DLGAP2: variants seen among roughly 807,000 people sequenced by gnomAD.
DLGAP2 encodes disks large-associated protein 2.
DLGAP2 carries 26 observed loss-of-function variants against 100.3 expected under a neutral mutation model. The ratio of observed to expected loss-of-function variants is 0.26; its 90% CI spans 0.19 to 0.36. The LOEUF (loss-of-function observed/expected upper bound fraction) is 0.36. Among genes scored for constraint, DLGAP2 ranks in the 10% least tolerant of loss-of-function variants. The pLI, the probability that DLGAP2 is intolerant of heterozygous loss-of-function variation, is 1.00. For missense variants in DLGAP2, 1,858 were observed against 1,453.2 expected, an observed-to-expected ratio of 1.28 and a Z score of -4.53; for synonymous variants, 886 against 630.1, an observed-to-expected ratio of 1.41 and a Z score of -6.08.
At chr8:845,925 T>G (rs999529324) in intron 1 of DLGAP2, among the ~76,000 whole-genome samples, 1 of 152,252 alleles carries the variant, frequency 6.6e-6, no homozygotes, top group Non-Finnish European at 1.5e-5. Context: ...TGTTCTTTCA[T>G]AATTGAATTG....
intron 6 of DLGAP2, among the ~76,000 whole-genome samples, chr8:1,618,366 G>A (rs1212541695): frequency 1.3e-5 from 2 of 152,212 alleles, no homozygotes; most frequent in South Asian, 2.1e-4. Flanking sequence ...CAACAGCATT[G>A]TAGAATTGTG....
chr8:904,252 G>T (rs1338160093), intron 1 of DLGAP2, among the ~76,000 whole-genome samples: 1 of 152,206 alleles, frequency 6.6e-6, no homozygotes, highest in East Asian at 1.9e-4. Flanking sequence ...AGGCGTGATG[G>T]CTCATGCCTG....
At chr8:1,183,708 A>G (rs1797440323) in intron 2 of DLGAP2, among the ~76,000 whole-genome samples, 1 of 152,300 alleles carries the variant, frequency 6.6e-6, no homozygotes, top group African/African-American at 2.4e-5. Flanking sequence ...CCCAGTCCTC[A>G]TTTCTGTTAT....
intron 2 of DLGAP2, among the ~76,000 whole-genome samples, chr8:1,082,292 T>C (rs1803837999): frequency 6.6e-6 from 1 of 152,168 alleles, no homozygotes; most frequent in East Asian, 1.9e-4. Context: ...ACAGGAAAAA[T>C]CTTTTACACA....
chr8:1,130,909 C>A (rs1445808376), intron 2 of DLGAP2, among the ~76,000 whole-genome samples: 1 of 151,940 alleles, frequency 6.6e-6, no homozygotes. Flanking sequence ...GGCTGAGAGA[C>A]CGGAGACGGG....
chr8:1,378,741 T>C (rs1420091221), intron 3 of DLGAP2, among the ~76,000 whole-genome samples: 1 of 152,264 alleles, frequency 6.6e-6, no homozygotes, highest in Non-Finnish European at 1.5e-5. Flanking sequence ...TTTGCTTTCA[T>C]TCTAATTTAC....
chr8:852,088 G>A (rs1415721970), intron 1 of DLGAP2, among the ~76,000 whole-genome samples: 5 of 152,174 alleles, frequency 3.3e-5, no homozygotes, highest in African/African-American at 9.7e-5. Flanking sequence ...ATTGGCTTTG[G>A]TGTAAATTTT....
rs544704766 is a variant in DLGAP2, at chr8:1,329,364, A to G, written c.106+70481A>G. 2.9e-4 allele frequency among the ~76,000 whole-genome samples: 44 copies of G among 152,348 alleles called. 1 individual carries two copies. In the South Asian group the frequency reaches 9.1e-3, roughly 32 times the overall value. On this transcript the variant is annotated intron_variant, in intron 3 of 14. Transcript: ENST00000637795. ...TTAAATGGCATTTCATTTAGAATTC[A>G]TACTCCATTTCAATGTTTTATTAAT... is the stretch of plus-strand genomic sequence containing the variant.
intron 3 of DLGAP2, among the ~76,000 whole-genome samples, chr8:1,487,993 G>A (rs542473091): frequency 6.6e-6 from 1 of 151,696 alleles, no homozygotes; most frequent in South Asian, 2.1e-4. Flanking sequence ...AATCATTGTT[G>A]AAATGATCGC....
intron 10 of DLGAP2, among the ~76,000 whole-genome samples, chr8:1,673,047 T>G (rs953965763): frequency 3.9e-5 from 6 of 152,250 alleles, no homozygotes; most frequent in Non-Finnish European, 8.8e-5. Context: ...AGCCTGGGAC[T>G]GCATGGGAGG....
chr8:1,470,560 C>T (rs1424489721), intron 3 of DLGAP2, among the ~76,000 whole-genome samples: 1 of 152,184 alleles, frequency 6.6e-6, no homozygotes, highest in Non-Finnish European at 1.5e-5. Flanking sequence ...ATATTGGAAT[C>T]CTATTCTATT....
In DLGAP2 at chr8:737,728, C is replaced by G. The variant is rs925928909; in HGVS notation, c.-80C>G. On this transcript the variant is annotated 5_prime_UTR_variant, in exon 1 of 15. Coordinates refer to ENST00000637795, the MANE Select transcript of DLGAP2 (RefSeq NM_001346810.2). ...GGACGGACGTACTGACCCCAACCCG[C>G]GAGCCCCGGGAGCCGTCGGTCTGAG... is the stretch of plus-strand genomic sequence containing the variant. 8.0e-6 allele frequency: 3 copies of G among 374,626 alleles called. No individual in the cohort carries two copies. Among genetic ancestry groups the G allele is most frequent in the Non-Finnish European group, 1.4e-5 (3 of 210,276 alleles). The allele number at this position is 374,626 out of a possible 1,614,324, so 23.2% of individuals were successfully genotyped here.
chr8:773,454 G>A (rs541864679), intron 1 of DLGAP2, among the ~76,000 whole-genome samples: 19 of 150,968 alleles, frequency 1.3e-4, no homozygotes, highest in Admixed American at 7.9e-4. Context: ...TCACTAACTC[G>A]TCATCTAGCA....
chr8:917,376 C>T (rs1798616854), intron 2 of DLGAP2, among the ~76,000 whole-genome samples: 1 of 151,876 alleles, frequency 6.6e-6, no homozygotes, highest in Non-Finnish European at 1.5e-5. Flanking sequence ...GTAGCTGAGA[C>T]TACAGGTGTG....
intron 1 of DLGAP2, among the ~76,000 whole-genome samples, chr8:857,516 G>T (rs1335960688): frequency 6.6e-6 from 1 of 152,178 alleles, no homozygotes; most frequent in Non-Finnish European, 1.5e-5. Context: ...TTTAAAATGT[G>T]TAAAAGATCT....
chr8:1,225,414 G>T (rs965799365), intron 2 of DLGAP2, among the ~76,000 whole-genome samples: 15 of 152,212 alleles, frequency 9.9e-5, no homozygotes, highest in African/African-American at 3.1e-4. Context: ...GTAATTGCCA[G>T]CGGCAGAACA....
chr8:1,216,671 T>C (rs1798220514), intron 2 of DLGAP2, among the ~76,000 whole-genome samples: 1 of 152,130 alleles, frequency 6.6e-6, no homozygotes, highest in Admixed American at 6.5e-5. Context: ...AGTATTTATC[T>C]AGTTTTTGCC....
chr8:1,435,351 C>T (rs1440810612), intron 3 of DLGAP2, among the ~76,000 whole-genome samples: 1 of 152,198 alleles, frequency 6.6e-6, no homozygotes, highest in East Asian at 1.9e-4. Flanking sequence ...ACATCACGCA[C>T]CGCACACGGG....
chr8:925,718 G>T (rs574846458), intron 2 of DLGAP2, among the ~76,000 whole-genome samples: 11 of 152,226 alleles, frequency 7.2e-5, no homozygotes, highest in East Asian at 1.9e-4. Context: ...TGAATAGAAG[G>T]AGATTTGTTA....
Sources: allele counts gnomAD v4.1 joint callset (sites outside exome capture counted in the v4.1 genomes callset), GRCh38; gene constraint gnomAD v4.1.1; transcripts MANE v1.5; gene names NCBI Gene and HGNC (gene_info 2026-07-23, HGNC 2026-07-21).